Variants in AFDN observed in about 807,000 individuals in gnomAD.
AFDN encodes the protein afadin.
In AFDN, 68 loss-of-function variants were observed where a neutral mutation model predicts 216.6. The ratio of observed to expected loss-of-function variants is 0.31; its 90% CI spans 0.26 to 0.38. The LOEUF (loss-of-function observed/expected upper bound fraction) is 0.38, where lower values mean the gene tolerates loss of function less well. Ranked by LOEUF, AFDN falls within the 10% of genes least tolerant of loss-of-function variation. AFDN has a pLI of 1.00. For synonymous variants in AFDN, 868 were observed against 853.7 expected (o/e 1.02, Z -0.29); for missense variants, 2,136 against 2,342.0 (o/e 0.91, Z 1.82).
intron 1 of AFDN, among the ~76,000 whole-genome samples, chr6:167,838,668 C>T (rs1331662529): frequency 6.6e-6 from 1 of 152,210 alleles, no homozygotes; most frequent in East Asian, 1.9e-4. Flanking sequence ...ATCTCAGACA[C>T]AGTGGCCTGT....
chr6:167,962,753 G>A lies in AFDN; in HGVS notation c.4968+186G>A. 5.5e-6 allele frequency: 8 copies of A among 1,460,120 alleles called. No individual in the cohort carries two copies. Among genetic ancestry groups the A allele is most frequent in the Non-Finnish European group, 7.2e-6 (8 of 1,110,220 alleles). 90.4% of individuals were successfully genotyped at this position (1,460,120 alleles called of 1,614,324 possible). On this transcript the variant is annotated intron_variant, in intron 31 of 33. Coordinates refer to ENST00000683244, the MANE Select transcript of AFDN (RefSeq NM_001386888.1). The surrounding 1 kb of genome is among the most constrained non-coding windows in gnomAD (Gnocchi z 5.2). Reference sequence around the variant, plus strand: ...CATCTGGCCCACCTACCTCTCTTCTGGACTGTCTCCAGATCCCCTTATCTG... The same window carrying A: ...CATCTGGCCCACCTACCTCTCTTCTAGACTGTCTCCAGATCCCCTTATCTG...
chr6:167,966,885 C>G (rs959918163), intron 32 of AFDN, among the ~76,000 whole-genome samples: 2 of 152,194 alleles, frequency 1.3e-5, no homozygotes, highest in Admixed American at 6.5e-5. Context: ...CTCTCATCCC[C>G]TTTTCCTCTA....
intron 1 of AFDN, among the ~76,000 whole-genome samples, chr6:167,830,858 T>C (rs1219555285): frequency 1.3e-5 from 2 of 151,962 alleles, no homozygotes; most frequent in Non-Finnish European, 2.9e-5. Flanking sequence ...TTGCATAACT[T>C]ATAGCTACAT....
intron 1 of AFDN, among the ~76,000 whole-genome samples, chr6:167,838,046 TATC>T (rs1780644249): frequency 6.6e-6 from 1 of 152,246 alleles, no homozygotes; most frequent in Non-Finnish European, 1.5e-5. Context: ...ATTATAATTT[TATC>T]ATTGTGATAG....
intron 4 of AFDN, among the ~76,000 whole-genome samples, chr6:167,873,274 A>G (rs911041663): frequency 6.6e-6 from 1 of 152,196 alleles, no homozygotes; most frequent in African/African-American, 2.4e-5. Flanking sequence ...AAATGTTTCT[A>G]TTTCATATAC....
chr6:167,963,675 TATC>T (rs1797257114), intron 31 of AFDN: 1 of 1,060,664 alleles, frequency 9.4e-7, no homozygotes, highest in South Asian at 4.6e-5. Context: ...CCTCTAAGTT[TATC>T]ATCATATTAT....
chr6:167,846,998 T>C (rs922989678), intron 1 of AFDN, among the ~76,000 whole-genome samples: 1 of 152,204 alleles, frequency 6.6e-6, no homozygotes, highest in African/African-American at 2.4e-5. Flanking sequence ...CTATACTCTG[T>C]CAGTTTGTTT....
intron 6 of AFDN, among the ~76,000 whole-genome samples, chr6:167,882,734 A>T (rs1786288518): frequency 1.3e-5 from 2 of 152,220 alleles, no homozygotes; most frequent in African/African-American, 4.8e-5. Flanking sequence ...GGACTGAAGA[A>T]GTTTAGTTTC....
In AFDN at chr6:167,964,219, C is replaced by T. The variant is rs1797310807; in HGVS notation, c.4969-1538C>T. On this transcript the variant is annotated intron_variant, in intron 31 of 33. Coordinates refer to ENST00000683244, the MANE Select transcript of AFDN (RefSeq NM_001386888.1). ...TAACCTATTTTTATATCAGAATGTC[C>T]AAAACTCATGGGTTTGCTTTGTTAT... The T allele has an allele frequency of 1.3e-5, 14 of 1,063,840 alleles. No homozygotes were observed. The South Asian group carries it at 5.9e-4, about 45-fold the overall frequency. 65.9% of individuals were successfully genotyped at this position (1,063,840 alleles called of 1,614,324 possible).
intron 5 of AFDN, among the ~76,000 whole-genome samples, chr6:167,878,615 C>CTCTT: frequency 6.6e-6 from 1 of 152,172 alleles, no homozygotes; most frequent in East Asian, 1.9e-4. Flanking sequence ...CTGTCTCTCT[C>CTCTT]TCTCTCTCAT....
Position 167,898,483 on chromosome 6 carries a change from C to T in AFDN, c.1580+16C>T, listed in dbSNP as rs775454610. 1.9e-6 allele frequency: 3 copies of T among 1,606,458 alleles called. No homozygotes were observed. Among genetic ancestry groups the T allele is most frequent in the Non-Finnish European group, 2.6e-6 (3 of 1,175,118 alleles). On this transcript the variant is annotated intron_variant, in intron 11 of 33. Transcript: ENST00000683244. ...ATAAACCTGGGTAAATAGATTAACC[C>T]TAAGATTTAAAATGTTTTGATTATA... is the stretch of plus-strand genomic sequence containing the variant.
At chr6:167,876,859 G>C (rs977698772) in intron 5 of AFDN, among the ~76,000 whole-genome samples, 1 of 152,064 alleles carries the variant, frequency 6.6e-6, no homozygotes, top group South Asian at 2.1e-4. Context: ...ACTGCCATTG[G>C]GGGTATTTTG....
intron 1 of AFDN, among the ~76,000 whole-genome samples, chr6:167,834,809 G>T (rs777974674): frequency 6.6e-6 from 1 of 151,720 alleles, no homozygotes; most frequent in Non-Finnish European, 1.5e-5. Context: ...GTGAGGTCCC[G>T]TCTCTACCAA....
At chr6:167,910,740 T>C (rs1359057636) in intron 13 of AFDN, among the ~76,000 whole-genome samples, 1 of 152,200 alleles carries the variant, frequency 6.6e-6, no homozygotes, top group African/African-American at 2.4e-5. Context: ...TAGTTTTTCT[T>C]TGTGTCACTT....
chr6:167,833,574 G>GCT (rs1234930456), intron 1 of AFDN, among the ~76,000 whole-genome samples: 1 of 152,102 alleles, frequency 6.6e-6, no homozygotes, highest in South Asian at 2.1e-4. Flanking sequence ...ATTCTTGTTT[G>GCT]CTCATAGTGG....
intron 2 of AFDN, among the ~76,000 whole-genome samples, chr6:167,865,180 A>G (rs539820446): frequency 6.6e-6 from 1 of 152,306 alleles, no homozygotes; most frequent in African/African-American, 2.4e-5. Context: ...CTTCTGAAAC[A>G]ATACATTTTC....
chr6:167,887,471 T>C (rs1787002960), intron 6 of AFDN, among the ~76,000 whole-genome samples: 2 of 151,884 alleles, frequency 1.3e-5, no homozygotes, highest in South Asian at 4.2e-4. Context: ...TTTTTTCCTT[T>C]TGGAGATGAA....
chr6:167,885,049 A>G (rs570858352), intron 6 of AFDN, among the ~76,000 whole-genome samples: 2 of 152,264 alleles, frequency 1.3e-5, no homozygotes, highest in African/African-American at 4.8e-5. Context: ...CTTAAACCTC[A>G]CAAATCAACC....
At chr6:167,928,724 A>G (rs3823455) in intron 23 of AFDN, among the ~76,000 whole-genome samples, 23,190 of 152,040 alleles carry the variant, frequency 0.15, 1,963 homozygotes, top group South Asian at 0.23. Context: ...TGCTGCCCAC[A>G]CCTGTCTTTG....
Sources: gnomAD v4.1 joint callset for allele counts (sites outside exome capture counted in the v4.1 genomes callset) on GRCh38, gnomAD v4.1.1 for gene constraint, Gnocchi (gnomAD v3.1) non-coding constraint, MANE v1.5 for transcripts, NCBI Gene and HGNC (gene_info 2026-07-23, HGNC 2026-07-21) for gene names.